ATP9B: variants seen among roughly 807,000 people sequenced by gnomAD.
ATP9B encodes probable phospholipid-transporting ATPase IIB.
A neutral mutation model predicts 146.1 loss-of-function variants in ATP9B; 110 were observed. That is an observed-to-expected ratio of 0.75 (90% CI 0.65 to 0.88). The LOEUF is 0.88. Ranked by LOEUF, ATP9B falls within the 40% of genes least tolerant of loss-of-function variation. ATP9B has a pLI of 0.00. For synonymous variants in ATP9B, 604 were observed against 569.7 expected, an observed-to-expected ratio of 1.06 and a Z score of -0.86; for missense variants, 1,499 against 1,496.4, an observed-to-expected ratio of 1.00 and a Z score of -0.03.
intron 5 of ATP9B, among the ~76,000 whole-genome samples, chr18:79,130,446 T>C (rs1229351760): frequency 6.6e-6 from 1 of 151,538 alleles, no homozygotes; most frequent in East Asian, 1.9e-4. Context: ...AAACCGCTCT[T>C]AAGAGACCTG....
intron 13 of ATP9B, among the ~76,000 whole-genome samples, chr18:79,299,547 G>A (rs998763230): frequency 6.6e-6 from 1 of 152,196 alleles, no homozygotes; most frequent in African/African-American, 2.4e-5. Flanking sequence ...GTGCCTCTCA[G>A]TAGCATGATC....
chr18:79,276,916 T>C (rs1027687368), intron 12 of ATP9B, 138 bp from the exon 13 acceptor site: 3 of 1,366,480 alleles, frequency 2.2e-6, no homozygotes, highest in Non-Finnish European at 3.1e-6. Flanking sequence ...GTGGGTTTTA[T>C]CTGGCAGTTT....
rs1221807343 is a variant in ATP9B at position 79,092,251 on chromosome 18, A to G, written c.120-4225A>G. On this transcript the variant is annotated intron_variant, in intron 1 of 29. Transcript: ENST00000426216. ...TCCTAGAGTGTACTCAAACAGACCA[A>G]GATGATAGTGACTACTGCACATCTA... is the stretch of plus-strand genomic sequence containing the variant. 2.0e-5 allele frequency among the ~76,000 whole-genome samples: 3 copies of G among 152,196 alleles called. No homozygotes were observed. The South Asian group carries it at 6.2e-4, about 32-fold the overall frequency.
At chr18:79,172,581 C>T (rs867843703) in intron 7 of ATP9B, among the ~76,000 whole-genome samples, 1 of 134,564 alleles carries the variant, frequency 7.4e-6, no homozygotes, top group African/African-American at 2.7e-5. Context: ...CACCGTGCGC[C>T]GACCTTGCGA....
At chr18:79,114,221 A>C (rs1295795289) in intron 4 of ATP9B, among the ~76,000 whole-genome samples, 1 of 152,120 alleles carries the variant, frequency 6.6e-6, no homozygotes, top group African/African-American at 2.4e-5. Flanking sequence ...CAGCCTCCCA[A>C]AGTGCTGGGA....
intron 16 of ATP9B, among the ~76,000 whole-genome samples, chr18:79,329,739 T>G (rs1353304155): frequency 2.0e-5 from 3 of 152,212 alleles, no homozygotes; most frequent in African/African-American, 7.2e-5. Context: ...TGTAAAAGTT[T>G]AAGAGAATGA....
At chr18:79,184,073 T>C (rs2095280314) in intron 8 of ATP9B, among the ~76,000 whole-genome samples, 2 of 152,202 alleles carry the variant, frequency 1.3e-5, no homozygotes, top group African/African-American at 4.8e-5. Context: ...TGTTTTCTTT[T>C]ATTGTTTATA....
intron 11 of ATP9B, among the ~76,000 whole-genome samples, chr18:79,238,540 G>A (rs1327490002): frequency 6.6e-6 from 1 of 152,150 alleles, no homozygotes; most frequent in Non-Finnish European, 1.5e-5. Context: ...CTGGTCTTGG[G>A]AGGGTGATGG....
At chr18:79,287,498 C>T (rs1302445673) in intron 13 of ATP9B, among the ~76,000 whole-genome samples, 1 of 151,880 alleles carries the variant, frequency 6.6e-6, no homozygotes, top group Non-Finnish European at 1.5e-5. Context: ...CTATTTGATT[C>T]TTCTCTCTTT....
At chr18:79,147,268 C>G (rs2094606872) in intron 6 of ATP9B, among the ~76,000 whole-genome samples, 1 of 152,190 alleles carries the variant, frequency 6.6e-6, no homozygotes, top group Admixed American at 6.5e-5. Context: ...ACTTCAGCAC[C>G]ACCCTTCAGG....
chr18:79,203,960 A>G (rs549289521), intron 9 of ATP9B, among the ~76,000 whole-genome samples: 3 of 152,348 alleles, frequency 2.0e-5, no homozygotes, highest in South Asian at 4.1e-4. Flanking sequence ...GAAATTGCCC[A>G]TTTCAGTGCA....
intron 5 of ATP9B, among the ~76,000 whole-genome samples, chr18:79,130,456 G>A (rs1377164843): frequency 6.6e-6 from 1 of 151,900 alleles, no homozygotes; most frequent in Non-Finnish European, 1.5e-5. Flanking sequence ...TAAGAGACCT[G>A]TGGGACAGCA....
At chr18:79,313,524 G>A (rs1310090558) in intron 15 of ATP9B, among the ~76,000 whole-genome samples, 2 of 152,148 alleles carry the variant, frequency 1.3e-5, no homozygotes, top group Non-Finnish European at 2.9e-5. Context: ...ACCTAGACTA[G>A]AGATTTTTCC....
chr18:79,376,379 A>T (rs2097103461), intron 29 of ATP9B: 2 of 981,716 alleles, frequency 2.0e-6, no homozygotes. Flanking sequence ...GACATTAGTC[A>T]TCTGCAACCA....
intron 8 of ATP9B, among the ~76,000 whole-genome samples, chr18:79,189,834 C>G (rs147475853): frequency 6.6e-6 from 1 of 152,308 alleles, no homozygotes; most frequent in East Asian, 1.9e-4. Context: ...GAGAACATTT[C>G]CAGCATCACT....
chr18:79,342,556 G>A (rs1050402483), intron 20 of ATP9B, among the ~76,000 whole-genome samples, 190 bp downstream of exon 20: 21 of 151,754 alleles, frequency 1.4e-4, no homozygotes, highest in African/African-American at 4.8e-4. Flanking sequence ...CCTGCACAAT[G>A]TGCACATGTA....
chr18:79,122,979 A>T (rs1037684608), intron 4 of ATP9B, among the ~76,000 whole-genome samples: 1 of 152,192 alleles, frequency 6.6e-6, no homozygotes, highest in Non-Finnish European at 1.5e-5. Flanking sequence ...CACACAGCTG[A>T]CATCACTCTT....
chr18:79,079,429 C>T (rs1273140527), intron 1 of ATP9B, among the ~76,000 whole-genome samples: 3 of 151,960 alleles, frequency 2.0e-5, no homozygotes, highest in Non-Finnish European at 2.9e-5. Flanking sequence ...ATATGTTTGT[C>T]GGCCGCATAA....
intron 1 of ATP9B, among the ~76,000 whole-genome samples, chr18:79,092,510 A>T (rs1486810529): frequency 6.6e-6 from 1 of 152,126 alleles, no homozygotes; most frequent in Admixed American, 6.5e-5. Context: ...ATTTTTAAAA[A>T]CTTATTGACT....
Sources: gnomAD v4.1 joint callset for allele counts (sites outside exome capture counted in the v4.1 genomes callset) on GRCh38, gnomAD v4.1.1 for gene constraint, MANE v1.5 for transcripts, NCBI Gene and HGNC (gene_info 2026-07-23, HGNC 2026-07-21) for gene names.